The following GRK2 variants were observed in gnomAD, a reference collection of about 807,000 sequenced individuals.
The protein encoded by GRK2 is G protein-coupled receptor kinase 2, also known as adrenergic beta receptor kinase 1.
Under a neutral mutation model 97.8 loss-of-function variants are expected in GRK2, and 23 were observed. The observed-to-expected ratio is 0.24, with a 90% CI of 0.17 to 0.33. The LOEUF is 0.33. Among genes scored for constraint, GRK2 ranks in the 10% least tolerant of loss-of-function variants. The pLI, the probability that GRK2 is intolerant of heterozygous loss-of-function variation, is 1.00. For missense variants in GRK2, 633 were observed against 956.9 expected (o/e 0.66, Z 4.47); for synonymous variants, 425 against 381.7 (o/e 1.11, Z -1.32).
Position 67,271,313 on chromosome 11 carries a change from G to C in GRK2, c.113+4501G>C, listed in dbSNP as rs112979411. Among the ~76,000 whole-genome samples the C allele has an allele frequency of 5.9e-5, 9 of 152,382 alleles. 2 individuals carry two copies. The highest frequency in any genetic ancestry group is 2.2e-4 in the African/African-American group (9 of 41,592). The stretch of plus-strand genomic sequence containing the variant: ...TTGACTGCAGCTTTTTTCTAAAACA[G>C]TAATATCCCTTCTCTGCTTTGCTGT... On this transcript the variant is annotated intron_variant, in intron 1 of 20. Coordinates refer to ENST00000308595, the MANE Select transcript of GRK2 (RefSeq NM_001619.5).
chr11:67,280,328 A>C (rs1221511195), intron 6 of GRK2: 1 of 368,222 alleles, frequency 2.7e-6, no homozygotes, highest in Non-Finnish European at 5.1e-6. Flanking sequence ...GATTTCAGCC[A>C]GCTTTAGGGA....
chr11:67,281,927 G>A lies in GRK2; in HGVS notation c.932G>A (p.Arg311His), dbSNP rs1477610425. The A allele has an allele frequency of 1.2e-6, 2 of 1,613,134 alleles. No individual in the cohort carries two copies. The highest frequency in any genetic ancestry group is 1.7e-6 in the Non-Finnish European group (2 of 1,179,934). ...CTGGGCCTGGAGCACATGCACAACC[G>A]CTTCGTGGTCTACCGGGACCTGAAG... ...IILGLEHMHNRFVVYRDLKPA... is the reference protein window; with the variant it reads ...IILGLEHMHNHFVVYRDLKPA... The change falls in exon 11 of 21, where the codon CGC (arginine) becomes CAC (histidine). Residue 311 changes from arginine to histidine, a missense_variant. By Grantham distance (29) the Arg-to-His change is conservative (BLOSUM62 0). Transcript: ENST00000308595. This position sits in a 1 kb window ranked among gnomAD's most constrained non-coding sequence, Gnocchi z 5.7.
At position 67,269,440 on chromosome 11, in the gene GRK2, T is replaced by A. The variant is rs1590844790; in HGVS notation, c.113+2628T>A. On this transcript the variant is annotated intron_variant, in intron 1 of 20. Coordinates refer to ENST00000308595, the MANE Select transcript of GRK2 (RefSeq NM_001619.5). The surrounding 1 kb of genome is among the most constrained non-coding windows in gnomAD (Gnocchi z 4.1). ...ACACAGGCCAGTGCTGTTTCTTTGC[T>A]GTGCTTTATCCCCTCCACCCACCCC... 6.6e-6 allele frequency among the ~76,000 whole-genome samples: 1 copy of A among 152,290 alleles called. No homozygotes were observed. The highest frequency in any genetic ancestry group is 1.9e-4 in the East Asian group (1 of 5,192).
At chr11:67,274,668 C>T (rs900235746) in intron 1 of GRK2, among the ~76,000 whole-genome samples, 1 of 151,854 alleles carries the variant, frequency 6.6e-6, no homozygotes, top group African/African-American at 2.4e-5. Context: ...CCCAGGCCTC[C>T]TGTCTGCAGG....
chr11:67,284,677 T>C, intron 18 of GRK2, 170 bp from the exon 19 acceptor site: 6 of 944,582 alleles, frequency 6.4e-6, no homozygotes, highest in Non-Finnish European at 9.3e-6. Flanking sequence ...TACTCCCAGC[T>C]ACCCGGGAGG....
chr11:67,278,697 G>A (rs1860082812), intron 2 of GRK2, among the ~76,000 whole-genome samples: 1 of 152,184 alleles, frequency 6.6e-6, no homozygotes. Context: ...CAGAGGAGTG[G>A]TGTGGCCTCA....
At chr11:67,268,128 T>A (rs1019450703) in intron 1 of GRK2, among the ~76,000 whole-genome samples, 13 of 152,314 alleles carry the variant, frequency 8.5e-5, no homozygotes, top group Non-Finnish European at 1.3e-4. Flanking sequence ...TGGGCCTCGG[T>A]CTTCTCATCT....
intron 5 of GRK2, 58 bp from the exon 6 acceptor site, chr11:67,279,781 G>T: frequency 6.2e-7 from 1 of 1,612,488 alleles, no homozygotes; most frequent in Non-Finnish European, 8.5e-7. Context: ...CAGGGGTGGG[G>T]CCTGGGCAAC....
At chr11:67,278,292 C>T (rs149774449) in intron 2 of GRK2, among the ~76,000 whole-genome samples, 181 of 152,340 alleles carry the variant, frequency 1.2e-3, no homozygotes, top group Admixed American at 2.2e-3. Context: ...CCACCCAGCT[C>T]GAGCCTGGTT....
intron 1 of GRK2, 120 bp from the exon 2 acceptor site, chr11:67,277,152 G>C: frequency 1.1e-6 from 1 of 883,522 alleles, no homozygotes; most frequent in East Asian, 2.5e-5. Flanking sequence ...GGCCTGACGG[G>C]CTGGCCTCCT....
intron 2 of GRK2, among the ~76,000 whole-genome samples, chr11:67,277,683 A>G (rs1043629321): frequency 2.0e-5 from 3 of 152,320 alleles, no homozygotes; most frequent in Middle Eastern, 3.4e-3. Flanking sequence ...AACTGACAGG[A>G]AGAGGCGGGG....
At chr11:67,272,702 C>T (rs984048166) in intron 1 of GRK2, among the ~76,000 whole-genome samples, 1 of 152,258 alleles carries the variant, frequency 6.6e-6, no homozygotes, top group East Asian at 1.9e-4. Context: ...CTTCCCAAAG[C>T]TGGGTGGGCA....
At chr11:67,279,378 T>G in intron 3 of GRK2, 40 bp from the exon 4 acceptor site, 1 of 1,611,290 alleles carries the variant, frequency 6.2e-7, no homozygotes, top group Non-Finnish European at 8.5e-7. Context: ...CCCCATTCCC[T>G]GCTGGGCTCT....
chr11:67,277,482 A>T (rs911567171), intron 2 of GRK2, 134 bp downstream of exon 2: 5 of 776,562 alleles, frequency 6.4e-6, no homozygotes, highest in Non-Finnish European at 1.1e-5. Flanking sequence ...GCGAGACCCC[A>T]GGGCTTGCTC....
chr11:67,267,486 A>G (rs944922834), intron 1 of GRK2, among the ~76,000 whole-genome samples: 1 of 152,006 alleles, frequency 6.6e-6, no homozygotes, highest in Non-Finnish European at 1.5e-5. Flanking sequence ...TCCCCCTCGG[A>G]CCGCGCTCAG....
At chr11:67,284,117 C>T in intron 17 of GRK2, 94 bp from the exon 18 acceptor site, 1 of 1,547,412 alleles carries the variant, frequency 6.5e-7, no homozygotes, top group Admixed American at 1.7e-5. Flanking sequence ...ACTGACCATC[C>T]CTACCCAGGG....
intron 1 of GRK2, among the ~76,000 whole-genome samples, chr11:67,273,142 AT>A (rs1321814773): frequency 1.3e-5 from 2 of 152,280 alleles, no homozygotes; most frequent in East Asian, 1.9e-4. Flanking sequence ...TGACATCCTC[AT>A]TTTACAGCTG....
chr11:67,280,118 TC>T (rs1283567427), intron 6 of GRK2: 6 of 580,490 alleles, frequency 1.0e-5, no homozygotes, highest in Non-Finnish European at 1.8e-5. Flanking sequence ...TCAAAGCCCA[TC>T]CCAGGCAGTC....
At chr11:67,280,491 C>G (rs893883850) in intron 6 of GRK2, 19 of 587,312 alleles carry the variant, frequency 3.2e-5, no homozygotes, top group African/African-American at 2.4e-4. Flanking sequence ...GGATCTGATT[C>G]CAGCAGGAAG....
Sources: gnomAD v4.1 joint callset for allele counts (sites outside exome capture counted in the v4.1 genomes callset) on GRCh38, gnomAD v4.1.1 for gene constraint, Gnocchi (gnomAD v3.1) non-coding constraint, MANE v1.5 for transcripts, NCBI Gene and HGNC (gene_info 2026-07-23, HGNC 2026-07-21) for gene names.